KHDRBS2: variants seen among roughly 807,000 people sequenced by gnomAD.
The protein encoded by KHDRBS2 is KH RNA binding domain containing, signal transduction associated 2.
In KHDRBS2, 26 loss-of-function variants were observed where a neutral mutation model predicts 44.3. That is an observed-to-expected ratio of 0.59 (90% CI 0.43 to 0.81). The LOEUF is 0.81. Ranked by LOEUF, KHDRBS2 falls within the 40% of genes least tolerant of loss-of-function variation. The pLI is 0.00. For synonymous variants in KHDRBS2, 194 were observed against 151.1 expected, an observed-to-expected ratio of 1.28 and a Z score of -2.08; for missense variants, 476 against 433.1, an observed-to-expected ratio of 1.10 and a Z score of -0.88.
chr6:62,168,487 C>T lies in KHDRBS2; in HGVS notation c.219+8698G>A, dbSNP rs1331308268. 2.6e-5 allele frequency among the ~76,000 whole-genome samples: 4 copies of T among 152,236 alleles called. No individual in the cohort carries two copies. The South Asian group carries it at 6.2e-4, about 24-fold the overall frequency. On this transcript the variant is annotated intron_variant, in intron 2 of 8. Transcript: ENST00000281156. ...ACATTCCAGTCCTCTAATGGTCTCT[C>T]GGTTTACCCAGACATGTGCCAAGCA...
intron 1 of KHDRBS2, among the ~76,000 whole-genome samples, chr6:62,244,929 C>A (rs1835297663): frequency 1.3e-5 from 2 of 152,058 alleles, no homozygotes. Flanking sequence ...CTGTGGTACC[C>A]TGGGCCACGC....
chr6:61,631,305 C>CAAAAAAAAAAAA, the KHDRBS2 span, among the ~76,000 whole-genome samples: 23 of 66,988 alleles, frequency 3.4e-4, no homozygotes, highest in South Asian at 8.6e-4. Context: ...ACGAATAAGC[C>CAAAAAAAAAAAA]AAAAAAAAAA....
At chr6:61,562,180 A>T in the KHDRBS2 span, among the ~76,000 whole-genome samples, 2 of 152,178 alleles carry the variant, frequency 1.3e-5, no homozygotes, top group African/African-American at 4.8e-5. Flanking sequence ...TTCTCAAATC[A>T]TCTAGGAAAA....
At chr6:62,077,935 A>G (rs1796656944) in intron 2 of KHDRBS2, among the ~76,000 whole-genome samples, 1 of 152,076 alleles carries the variant, frequency 6.6e-6, no homozygotes. Context: ...AAAATCCATT[A>G]AGAAATACAA....
chr6:62,155,486 A>G (rs1816153963), intron 2 of KHDRBS2, among the ~76,000 whole-genome samples: 1 of 152,194 alleles, frequency 6.6e-6, no homozygotes, highest in South Asian at 2.1e-4. Context: ...AAATCATGGC[A>G]GAAGATGAGA....
At chr6:62,107,408 G>A (rs2127379725) in intron 2 of KHDRBS2, among the ~76,000 whole-genome samples, 1 of 152,186 alleles carries the variant, frequency 6.6e-6, no homozygotes, top group African/African-American at 2.4e-5. Flanking sequence ...ACCTCTTCAA[G>A]GAGAACTACA....
chr6:61,842,611 A>G (rs542354645), intron 6 of KHDRBS2, among the ~76,000 whole-genome samples: 8 of 152,290 alleles, frequency 5.3e-5, no homozygotes, highest in East Asian at 1.9e-4. Flanking sequence ...AAGGATATGG[A>G]GTAATTGGAA....
At chr6:61,619,643 G>A in the KHDRBS2 span, among the ~76,000 whole-genome samples, 522 of 152,172 alleles carry the variant, frequency 3.4e-3, 2 homozygotes, top group African/African-American at 0.012. Flanking sequence ...CAGTAGAGAA[G>A]GGGTTTCTCC....
the KHDRBS2 span, among the ~76,000 whole-genome samples, chr6:61,578,894 T>A: frequency 3.3e-5 from 5 of 152,156 alleles, no homozygotes; most frequent in African/African-American, 1.2e-4. Context: ...TCTAATATCT[T>A]ATACTTTCCA....
At chr6:62,199,803 A>T (rs939851089) in intron 1 of KHDRBS2, among the ~76,000 whole-genome samples, 6 of 152,056 alleles carry the variant, frequency 3.9e-5, no homozygotes, top group African/African-American at 1.4e-4. Context: ...AAGAAGAAAG[A>T]TGGAGGCATC....
intron 6 of KHDRBS2, among the ~76,000 whole-genome samples, chr6:61,772,587 C>G (rs554114511): frequency 6.6e-6 from 1 of 152,172 alleles, no homozygotes; most frequent in Non-Finnish European, 1.5e-5. Flanking sequence ...TTCCTTGACA[C>G]ATACATCCTC....
chr6:62,263,001 A>C (rs1838617351), intron 1 of KHDRBS2, among the ~76,000 whole-genome samples: 1 of 151,758 alleles, frequency 6.6e-6, no homozygotes, highest in Admixed American at 6.6e-5. Flanking sequence ...GCAAGCAAAA[A>C]GCAAGAAATC....
the KHDRBS2 span, among the ~76,000 whole-genome samples, chr6:61,659,480 T>G: frequency 6.6e-6 from 1 of 151,824 alleles, no homozygotes; most frequent in Non-Finnish European, 1.5e-5. Context: ...ATGTTCTGCC[T>G]TGCACTGCTG....
At chr6:62,215,322 A>T (rs1314740961) in intron 1 of KHDRBS2, among the ~76,000 whole-genome samples, 1 of 151,856 alleles carries the variant, frequency 6.6e-6, no homozygotes, top group African/African-American at 2.4e-5. Flanking sequence ...CCAGAGCATG[A>T]AGGTGCAGAG....
At chr6:61,776,454 A>C (rs1482213041) in intron 6 of KHDRBS2, among the ~76,000 whole-genome samples, 7 of 152,068 alleles carry the variant, frequency 4.6e-5, no homozygotes, top group Admixed American at 4.6e-4. Context: ...AGAAAAAAAC[A>C]ACCCTATCAA....
chr6:61,988,619 A>G (rs1225390280), intron 3 of KHDRBS2, among the ~76,000 whole-genome samples: 2 of 152,154 alleles, frequency 1.3e-5, no homozygotes, highest in African/African-American at 4.8e-5. Flanking sequence ...TCGCAGAGGA[A>G]GTGCATGTAA....
intron 2 of KHDRBS2, among the ~76,000 whole-genome samples, chr6:62,150,641 C>G (rs1484638148): frequency 6.6e-6 from 1 of 152,070 alleles, no homozygotes; most frequent in Non-Finnish European, 1.5e-5. Flanking sequence ...ATACTTGAAC[C>G]AACTGTACAA....
the KHDRBS2 span, among the ~76,000 whole-genome samples, chr6:61,598,828 TTTTCTTTTC>T: frequency 0.027 from 1,593 of 58,372 alleles, 69 homozygotes; most frequent in Non-Finnish European, 0.034. Flanking sequence ...GAGTGTCCTT[TTTTCTTTTC>T]TTTTTTTTTT....
At chr6:61,685,010 A>T (rs56689014) in intron 8 of KHDRBS2, among the ~76,000 whole-genome samples, 7,990 of 151,752 alleles carry the variant, frequency 0.053, 325 homozygotes, top group African/African-American at 0.1. Context: ...ATATAAGGAC[A>T]GTTTAAGGGG....
Sources: gnomAD v4.1 joint callset for allele counts (sites outside exome capture counted in the v4.1 genomes callset) on GRCh38, gnomAD v4.1.1 for gene constraint, MANE v1.5 for transcripts, NCBI Gene and HGNC (gene_info 2026-07-23, HGNC 2026-07-21) for gene names.